XIRP2: variants seen among roughly 807,000 people sequenced by gnomAD.
XIRP2 encodes xin actin binding repeat containing 2.
XIRP2 carries 236 observed loss-of-function variants against 277.0 expected under a neutral mutation model. The observed-to-expected ratio is 0.85, with a 90% confidence interval of 0.77 to 0.95. The LOEUF is 0.95. Among genes scored for constraint, XIRP2 ranks in the 40% least tolerant of loss-of-function variants. The pLI is 0.00. For missense variants in XIRP2, 4,640 were observed against 4,157.5 expected (o/e 1.12, Z -3.19); for synonymous variants, 1,490 against 1,416.5 (o/e 1.05, Z -1.17).
At chr2:167,001,609 G>A (rs1687372713) in intron 2 of XIRP2, among the ~76,000 whole-genome samples, 1 of 152,072 alleles carries the variant, frequency 6.6e-6, no homozygotes, top group Non-Finnish European at 1.5e-5. Context: ...TTCTTATGAA[G>A]TTTTCCTATT....
At chr2:167,118,308 G>A (rs1268544291) in intron 2 of XIRP2, among the ~76,000 whole-genome samples, 4 of 151,472 alleles carry the variant, frequency 2.6e-5, no homozygotes, top group Admixed American at 6.6e-5. Flanking sequence ...GGTGAAACCC[G>A]ATCTCTACTA....
rs760135080 is a variant in XIRP2, at chr2:167,246,042, G to A, written c.4650G>A (p.Lys1550=). Residue 1550 remains lysine, a synonymous_variant, in exon 9 of 11, where the codon AAG becomes AAA. Coordinates refer to ENST00000409195, the MANE Select transcript of XIRP2 (RefSeq NM_152381.6). ...TAGAAAAGATAGAAATTATTGGCAA[G>A]AGCATTAAAGAAACCTTAGAAGATC... is the stretch of plus-strand genomic sequence containing the variant. ...TRVEKIEIIG[K]SIKETLEDLY... 1.9e-6 allele frequency: 3 copies of A among 1,613,422 alleles called. No individual in the cohort carries two copies. Among genetic ancestry groups the A allele is most frequent in the Non-Finnish European group, 2.5e-6 (3 of 1,179,714 alleles).
chr2:167,222,665 T>A (rs950297430), intron 5 of XIRP2, among the ~76,000 whole-genome samples: 6 of 152,166 alleles, frequency 3.9e-5, no homozygotes, highest in Non-Finnish European at 7.4e-5. Context: ...ATCCACTCAC[T>A]GTAACAGTCT....
At chr2:166,962,839 A>G (rs1344452663) in intron 2 of XIRP2, among the ~76,000 whole-genome samples, 2 of 151,756 alleles carry the variant, frequency 1.3e-5, no homozygotes, top group East Asian at 3.9e-4. Flanking sequence ...CTCTGCCCCC[A>G]AATTTCTGTA....
At chr2:167,203,117 C>A (rs146665063) in intron 3 of XIRP2, among the ~76,000 whole-genome samples, 280 of 152,264 alleles carry the variant, frequency 1.8e-3, no homozygotes, top group African/African-American at 6.2e-3. Context: ...TCTCAAAATC[C>A]TTAACTTTAT....
intron 2 of XIRP2, among the ~76,000 whole-genome samples, chr2:167,114,732 G>A (rs1309153177): frequency 6.6e-6 from 1 of 152,034 alleles, no homozygotes; most frequent in Non-Finnish European, 1.5e-5. Flanking sequence ...TACTGAGAAT[G>A]ATGATTTCCA....
intron 1 of XIRP2, among the ~76,000 whole-genome samples, chr2:166,892,630 A>C (rs1314641628): frequency 6.6e-6 from 1 of 151,960 alleles, no homozygotes; most frequent in Non-Finnish European, 1.5e-5. Context: ...TTTCAGTAAA[A>C]GGCCTTCCAT....
At chr2:167,133,768 G>T (rs190732648) in intron 2 of XIRP2, among the ~76,000 whole-genome samples, 1 of 152,104 alleles carries the variant, frequency 6.6e-6, no homozygotes, top group Admixed American at 6.6e-5. Context: ...AACATACTGC[G>T]TTCATGTCAT....
intron 2 of XIRP2, among the ~76,000 whole-genome samples, chr2:166,940,886 G>A (rs538495740): frequency 2.8e-4 from 43 of 152,218 alleles, no homozygotes; most frequent in Admixed American, 2.2e-3. Flanking sequence ...TAGGCTACTC[G>A]GGGGTCAGGG....
At chr2:167,019,445 T>C (rs1165438172) in intron 2 of XIRP2, among the ~76,000 whole-genome samples, 3 of 151,912 alleles carry the variant, frequency 2.0e-5, no homozygotes, top group Non-Finnish European at 4.4e-5. Context: ...GGGAGAAATA[T>C]GAATATAGAA....
intron 2 of XIRP2, among the ~76,000 whole-genome samples, chr2:166,940,269 G>C (rs909445333): frequency 6.6e-6 from 1 of 152,148 alleles, no homozygotes. Context: ...TCATCACGTA[G>C]TTCTCATGCC....
chr2:167,053,966 T>C (rs2105539682), intron 2 of XIRP2, among the ~76,000 whole-genome samples: 1 of 152,340 alleles, frequency 6.6e-6, no homozygotes, highest in East Asian at 1.9e-4. Context: ...AAACGATCTG[T>C]ATTATGGTTC....
intron 2 of XIRP2, among the ~76,000 whole-genome samples, chr2:167,087,576 A>G (rs371410313): frequency 3.3e-5 from 5 of 152,178 alleles, no homozygotes; most frequent in East Asian, 1.9e-4. Context: ...TCAGACTGCT[A>G]TGCTAGCAAT....
intron 2 of XIRP2, among the ~76,000 whole-genome samples, chr2:166,996,465 T>C (rs577074029): frequency 1.9e-4 from 29 of 152,144 alleles, no homozygotes; most frequent in African/African-American, 6.7e-4. Flanking sequence ...AACCCATCTC[T>C]AATAAAAGTG....
At chr2:166,889,485 T>A (rs1574052815) in intron 1 of XIRP2, 1 of 152,498 alleles carries the variant, frequency 6.6e-6, no homozygotes, top group Middle Eastern at 3.4e-3. Context: ...CCTCTCCTCC[T>A]GCAGGTGGCG....
chr2:167,072,779 A>AT (rs796851543), intron 2 of XIRP2, among the ~76,000 whole-genome samples: 28 of 152,292 alleles, frequency 1.8e-4, no homozygotes, highest in African/African-American at 5.8e-4. Flanking sequence ...TTTACATTAG[A>AT]TTTTGCTAAC....
intron 2 of XIRP2, among the ~76,000 whole-genome samples, chr2:166,997,456 T>C (rs915828041): frequency 6.6e-6 from 1 of 152,206 alleles, no homozygotes; most frequent in Non-Finnish European, 1.5e-5. Flanking sequence ...TGATTCAGTG[T>C]ATCATTCACA....
chr2:167,148,252 T>C (rs550859492), intron 3 of XIRP2, among the ~76,000 whole-genome samples: 2 of 151,662 alleles, frequency 1.3e-5, no homozygotes, highest in East Asian at 3.9e-4. Context: ...TGTGGTGGCA[T>C]GCACCTGTAA....
At chr2:167,241,365 ATTT>A (rs1311954293) in intron 7 of XIRP2, among the ~76,000 whole-genome samples, 1 of 152,108 alleles carries the variant, frequency 6.6e-6, no homozygotes, top group African/African-American at 2.4e-5. Context: ...ACATTTTATT[ATTT>A]TTTCCTGAGC....
Sources: gnomAD v4.1 joint callset for allele counts (sites outside exome capture counted in the v4.1 genomes callset) on GRCh38, gnomAD v4.1.1 for gene constraint, MANE v1.5 for transcripts, NCBI Gene and HGNC (gene_info 2026-07-23, HGNC 2026-07-21) for gene names.